ZSWIM3: variants seen among roughly 807,000 people sequenced by gnomAD.
ZSWIM3 encodes zinc finger SWIM-type containing 3.
In ZSWIM3, 27 loss-of-function variants were observed where a neutral mutation model predicts 47.5. The ratio of observed to expected loss-of-function variants is 0.57; its 90% CI spans 0.42 to 0.78. The LOEUF (loss-of-function observed/expected upper bound fraction) is 0.78, where lower values mean the gene tolerates loss of function less well. Ranked by LOEUF, ZSWIM3 falls within the 30% of genes least tolerant of loss-of-function variation. The pLI, the probability that ZSWIM3 is intolerant of heterozygous loss-of-function variation, is 0.00. For synonymous variants in ZSWIM3, 333 were observed against 333.9 expected (o/e 1.00, Z 0.03); for missense variants, 689 against 861.3 (o/e 0.80, Z 2.50).
At chr20:45,865,747 C>T (rs1209963964) in intron 1 of ZSWIM3, among the ~76,000 whole-genome samples, 1 of 152,062 alleles carries the variant, frequency 6.6e-6, no homozygotes, top group Admixed American at 6.6e-5. Context: ...CTTGTAATCC[C>T]AGCACTTTGA....
rs754736523 is a variant in ZSWIM3 at position 45,877,757 on chromosome 20, G to C, written c.1199G>C (p.Ser400Thr). Residue 400 changes from serine (S) to threonine (T), a missense_variant, in exon 2 of 2, where the codon AGC (serine) becomes ACC (threonine). Transcript: ENST00000255152. ...ATGGACAGCCTAGACATTGTCACCA[G>C]CAAGGTGTCAAGCCTCTTTCGGGAA... ...TYMDSLDIVT[S>T]KVSSLFREQQ... The C allele has an allele frequency of 1.2e-6, 2 of 1,614,086 alleles. No homozygotes were observed. The highest frequency in any genetic ancestry group is 1.7e-6 in the Non-Finnish European group (2 of 1,179,956).
intron 1 of ZSWIM3, among the ~76,000 whole-genome samples, chr20:45,860,531 A>G (rs1985681903): frequency 1.6e-5 from 2 of 121,362 alleles, no homozygotes; most frequent in African/African-American, 5.3e-5. Context: ...AAAAAAAAAA[A>G]AAAAGAATCC....
intron 1 of ZSWIM3, among the ~76,000 whole-genome samples, chr20:45,871,872 A>G (rs1033603734): frequency 6.6e-6 from 1 of 151,554 alleles, no homozygotes; most frequent in East Asian, 1.9e-4. Context: ...AAGAAAAAAA[A>G]AAAAAGAAAA....
In ZSWIM3 at chr20:45,857,960, C is replaced by G; in HGVS notation, c.135C>G (p.Thr45=). The G allele has an allele frequency of 6.2e-7, 1 of 1,611,876 alleles. No homozygotes were observed. The highest frequency in any genetic ancestry group is 8.5e-7 in the Non-Finnish European group (1 of 1,179,062). Residue 45 remains threonine (T), a synonymous_variant, in exon 1 of 2, where the codon ACC becomes ACG. Transcript: ENST00000255152. ...SVRFHNLNHG[T]SIREDILYVQ... is the part of the protein sequence containing the mutation. Reference sequence around the variant, plus strand: ...GCTTCCACAACCTCAACCATGGCACCTCCATCCGCGAAGACATCCTGTAAG... The same window carrying G: ...GCTTCCACAACCTCAACCATGGCACGTCCATCCGCGAAGACATCCTGTAAG...
intron 1 of ZSWIM3, among the ~76,000 whole-genome samples, chr20:45,874,061 A>T (rs900524272): frequency 1.3e-5 from 2 of 152,220 alleles, no homozygotes; most frequent in Non-Finnish European, 2.9e-5. Flanking sequence ...AAATTTTCTT[A>T]GGATGTGGAC....
intron 1 of ZSWIM3, among the ~76,000 whole-genome samples, chr20:45,864,077 G>A (rs141271603): frequency 6.6e-6 from 1 of 152,234 alleles, no homozygotes; most frequent in African/African-American, 2.4e-5. Context: ...TTAGCCACTG[G>A]GCTCTAATAG....
At chr20:45,865,131 C>T (rs1170904212) in intron 1 of ZSWIM3, among the ~76,000 whole-genome samples, 1 of 151,976 alleles carries the variant, frequency 6.6e-6, no homozygotes, top group East Asian at 1.9e-4. Flanking sequence ...CCAGCCTGGC[C>T]AACATGGCGA....
chr20:45,877,297 C>A lies in ZSWIM3; in HGVS notation c.739C>A (p.Arg247=). The A allele has an allele frequency of 1.2e-6, 2 of 1,614,118 alleles. No individual in the cohort carries two copies. The highest frequency in any genetic ancestry group is 2.2e-5 in the South Asian group (2 of 91,052). The part of the protein sequence containing the change: ...FLVENKERES[R]VVHFAVLKAE... The stretch of plus-strand genomic sequence containing the variant: ...GGTGGAGAACAAGGAACGAGAAAGT[C>A]GAGTGGTGCACTTTGCTGTGCTCAA... The change falls in exon 2 of 2, where the codon CGA becomes AGA. Residue 247 remains arginine (R), a synonymous_variant. Coordinates refer to ENST00000255152, the MANE Select transcript of ZSWIM3 (RefSeq NM_080752.4).
chr20:45,875,370 C>T (rs1182253545), intron 1 of ZSWIM3, among the ~76,000 whole-genome samples: 3 of 151,848 alleles, frequency 2.0e-5, no homozygotes, highest in Admixed American at 6.6e-5. Context: ...GAGACAGTCT[C>T]TTGCTGTGTT....
chr20:45,858,324 C>T (rs897742794), intron 1 of ZSWIM3, among the ~76,000 whole-genome samples: 2 of 152,226 alleles, frequency 1.3e-5, no homozygotes, highest in African/African-American at 4.8e-5. Flanking sequence ...TCATCAGTCT[C>T]CTCTTTACAA....
At chr20:45,864,855 C>CA (rs1211717049) in intron 1 of ZSWIM3, among the ~76,000 whole-genome samples, 3 of 151,760 alleles carry the variant, frequency 2.0e-5, no homozygotes, top group Non-Finnish European at 4.4e-5. Flanking sequence ...AGTGAGACTC[C>CA]ATCTCAAAAA....
chr20:45,872,391 T>A (rs1394318297), intron 1 of ZSWIM3, among the ~76,000 whole-genome samples: 1 of 152,208 alleles, frequency 6.6e-6, no homozygotes, highest in Non-Finnish European at 1.5e-5. Flanking sequence ...TACCTTTCTT[T>A]GGAATAGCTC....
intron 1 of ZSWIM3, among the ~76,000 whole-genome samples, chr20:45,873,350 G>A (rs934875461): frequency 2.0e-5 from 3 of 152,014 alleles, no homozygotes; most frequent in Non-Finnish European, 1.5e-5. Context: ...GCAGTGAGTC[G>A]AGATCGAGCC....
intron 1 of ZSWIM3, among the ~76,000 whole-genome samples, chr20:45,867,001 AATTTTTTT>A (rs1251918134): frequency 1.5e-5 from 2 of 131,180 alleles, no homozygotes; most frequent in Admixed American, 8.7e-5. Flanking sequence ...TCAAGTTAGA[AATTTTTTT>A]TTTTTTTTTT....
At chr20:45,868,983 G>A (rs1985906841) in intron 1 of ZSWIM3, among the ~76,000 whole-genome samples, 1 of 150,564 alleles carries the variant, frequency 6.6e-6, no homozygotes, top group South Asian at 2.1e-4. Context: ...TGTATTTTTA[G>A]TAGAGACAGG....
Position 45,878,727 on chromosome 20 carries a change from G to C in ZSWIM3, c.*78G>C. ...AGTTTAAAGTGGGCAGGACATACTAGGGTTTAGCATTTTAGCCAATGTCTT... is the reference window on the plus strand; with the variant it reads ...AGTTTAAAGTGGGCAGGACATACTACGGTTTAGCATTTTAGCCAATGTCTT... On this transcript the variant is annotated 3_prime_UTR_variant, in exon 2 of 2. Coordinates refer to ENST00000255152, the MANE Select transcript of ZSWIM3 (RefSeq NM_080752.4). 6 of 1,510,122 alleles carry C rather than the reference G, an allele frequency of 4.0e-6. No homozygotes were observed. In the South Asian group the frequency reaches 7.9e-5, roughly 20 times the overall value. The allele number at this position is 1,510,122 out of a possible 1,614,324, so 93.5% of individuals were successfully genotyped here. A position where few individuals can be genotyped will look rare whatever the true frequency, so the allele number is the denominator to read the frequency against.
chr20:45,870,691 T>C (rs1377461014), intron 1 of ZSWIM3, among the ~76,000 whole-genome samples: 1 of 146,436 alleles, frequency 6.8e-6, no homozygotes, highest in African/African-American at 2.5e-5. Flanking sequence ...TGGAATTTAT[T>C]TTTTTTTTTT....
chr20:45,870,080 G>A (rs1878044565), intron 1 of ZSWIM3, among the ~76,000 whole-genome samples: 4 of 150,472 alleles, frequency 2.7e-5, no homozygotes, highest in Admixed American at 2.0e-4. Context: ...GCCAAGCGTG[G>A]TGGCTGTAAT....
chr20:45,859,792 CAAAAAAAAAAA>C lies in ZSWIM3; in HGVS notation c.155+1826_155+1836del, dbSNP rs765560893. On this transcript the variant is annotated intron_variant, in intron 1 of 1. Coordinates refer to ENST00000255152, the MANE Select transcript of ZSWIM3 (RefSeq NM_080752.4). ...ACCTTGCTAAGCAATGAGAGGAATA[CAAAAAAAAAAA>C]AAAAAAAAAAAAACCACAGTTGCCC... Among the ~76,000 whole-genome samples, 17 of 52,094 alleles carry C rather than the reference CAAAAAAAAAAA, an allele frequency of 3.3e-4. No individual in the cohort carries two copies. The South Asian group carries it at 4.9e-3, about 15-fold the overall frequency. 34.2% of individuals were successfully genotyped at this position (52,094 alleles called of 152,430 possible). A position where few individuals can be genotyped will look rare whatever the true frequency, so the allele number is the denominator to read the frequency against.
Sources: gnomAD v4.1 joint callset for allele counts (sites outside exome capture counted in the v4.1 genomes callset) on GRCh38, gnomAD v4.1.1 for gene constraint, MANE v1.5 for transcripts, NCBI Gene and HGNC (gene_info 2026-07-23, HGNC 2026-07-21) for gene names.